Variants in POFUT4 observed in about 807,000 individuals in gnomAD.
POFUT4 encodes GDP-fucose protein O-fucosyltransferase 4.
At chr10:73,775,475 C>G in the POFUT4 span, 1 of 1,613,954 alleles carries the variant, frequency 6.2e-7, no homozygotes, top group Non-Finnish European at 8.5e-7. Context: ...TGGCCCCACT[C>G]GGAAAAAGGC....
the POFUT4 span, chr10:73,778,981 A>C: frequency 6.6e-6 from 1 of 151,900 alleles, no homozygotes; most frequent in African/African-American, 2.4e-5. Flanking sequence ...TCTACAAAAA[A>C]CAGAAAAAAT....
At chr10:73,774,119 C>A in the POFUT4 span, 1 of 308,746 alleles carries the variant, frequency 3.2e-6, no homozygotes, top group African/African-American at 2.2e-5. Flanking sequence ...GAAAATGGGG[C>A]AAATAAATAG....
At chr10:73,772,681 G>T in the POFUT4 span, 3 of 1,561,010 alleles carry the variant, frequency 1.9e-6, no homozygotes, top group Non-Finnish European at 2.6e-6. Context: ...GGGACTCGCG[G>T]ACGCGCGCGC....
At chr10:73,775,300 G>C in the POFUT4 span, 1 of 934,610 alleles carries the variant, frequency 1.1e-6, no homozygotes, top group Non-Finnish European at 1.6e-6. Flanking sequence ...GGAGCCAGAA[G>C]CAGGCAAGTC....
chr10:73,773,610 G>C, the POFUT4 span: 8 of 1,614,154 alleles, frequency 5.0e-6, no homozygotes, highest in Admixed American at 1.0e-4. Context: ...GGGAGTGAAT[G>C]ATCCTTTGCT....
chr10:73,775,492 C>T, the POFUT4 span: 5 of 1,614,172 alleles, frequency 3.1e-6, no homozygotes, highest in South Asian at 3.3e-5. Flanking sequence ...AGGCAGGACT[C>T]ATAACTATGC....
the POFUT4 span, among the ~76,000 whole-genome samples, chr10:73,778,280 C>T: frequency 6.6e-6 from 1 of 150,430 alleles, no homozygotes; most frequent in Admixed American, 6.6e-5. Context: ...GTAATCCCAG[C>T]TACTTGGGAG....
chr10:73,772,755 G>T, the POFUT4 span: 1 of 1,605,616 alleles, frequency 6.2e-7, no homozygotes. Context: ...GCGCACCAGA[G>T]CTGGGCGCTC....
At chr10:73,778,875 A>G in the POFUT4 span, 1 of 152,230 alleles carries the variant, frequency 6.6e-6, no homozygotes, top group East Asian at 1.9e-4. Context: ...GCAGTGGCTC[A>G]TGCCTGTGAT....
the POFUT4 span, chr10:73,773,267 C>T: frequency 1.9e-6 from 3 of 1,613,984 alleles, no homozygotes; most frequent in Admixed American, 1.7e-5. Context: ...CGGCCACCAC[C>T]GAGGATCCAG....
the POFUT4 span, chr10:73,773,683 C>A: frequency 1.9e-6 from 3 of 1,614,232 alleles, no homozygotes; most frequent in Non-Finnish European, 2.5e-6. Context: ...CGGCTGGATG[C>A]CGAGAAAGCC....
chr10:73,777,535 T>C, the POFUT4 span, among the ~76,000 whole-genome samples: 1 of 150,882 alleles, frequency 6.6e-6, no homozygotes, highest in Non-Finnish European at 1.5e-5. Flanking sequence ...TTCACTGTAT[T>C]ACTAATACGC....
At chr10:73,779,135 C>T in the POFUT4 span, 1 of 151,172 alleles carries the variant, frequency 6.6e-6, no homozygotes, top group Non-Finnish European at 1.5e-5. Context: ...TGGCATGGGT[C>T]TGCAGTCCCA....
the POFUT4 span, chr10:73,772,794 T>C: frequency 6.2e-7 from 1 of 1,611,312 alleles, no homozygotes; most frequent in Non-Finnish European, 8.5e-7. Flanking sequence ...CTCAACAACT[T>C]CTTGCTGAGC....
chr10:73,772,443 A>G, the POFUT4 span: 1 of 1,563,762 alleles, frequency 6.4e-7, no homozygotes, highest in Non-Finnish European at 8.6e-7. Context: ...GGGGAGGCGG[A>G]GTGGGCGGAA....
At chr10:73,775,969 A>C in the POFUT4 span, 1 of 409,050 alleles carries the variant, frequency 2.4e-6, no homozygotes. Context: ...AGAGTTTTTA[A>C]ACTACTCACT....
chr10:73,777,362 T>G, the POFUT4 span, among the ~76,000 whole-genome samples: 1 of 152,026 alleles, frequency 6.6e-6, no homozygotes, highest in Non-Finnish European at 1.5e-5. Flanking sequence ...TAGGTCCTAA[T>G]TCTTTTGTTT....
chr10:73,777,273 A>G, the POFUT4 span, among the ~76,000 whole-genome samples: 1 of 152,000 alleles, frequency 6.6e-6, no homozygotes, highest in Non-Finnish European at 1.5e-5. Flanking sequence ...ATAGGCCAAT[A>G]TGAGTCAAAG....
At chr10:73,773,517 G>A in the POFUT4 span, 10 of 1,614,240 alleles carry the variant, frequency 6.2e-6, no homozygotes, top group African/African-American at 2.7e-5. Context: ...GAATGATGAG[G>A]AGTATATGAA....
Sources: allele counts gnomAD v4.1 joint callset (sites outside exome capture counted in the v4.1 genomes callset), GRCh38; gene constraint gnomAD v4.1.1; transcripts MANE v1.5; gene names NCBI Gene and HGNC (gene_info 2026-07-23, HGNC 2026-07-21).